The following SLC25A48 variants were observed in gnomAD, a reference collection of about 807,000 sequenced individuals.
SLC25A48 encodes the protein CTC-321K16.1.
Under a neutral mutation model 32.2 loss-of-function variants are expected in SLC25A48, and 29 were observed. That is an observed-to-expected ratio of 0.90 (90% CI 0.67 to 1.23). The LOEUF (loss-of-function observed/expected upper bound fraction) is 1.23. SLC25A48 is among the 50% of genes most tolerant of loss of function. The pLI is 0.00. For missense variants in SLC25A48, 399 were observed against 422.7 expected (o/e 0.94, Z 0.49); for synonymous variants, 164 against 172.3 (o/e 0.95, Z 0.38).
chr5:135,884,785 G>A (rs1481060819), intron 7 of SLC25A48, among the ~76,000 whole-genome samples: 1 of 152,180 alleles, frequency 6.6e-6, no homozygotes, highest in African/African-American at 2.4e-5. Flanking sequence ...AGTTTGTTTA[G>A]AAGTGGTGCT....
chr5:135,662,360 A>G (rs967795716), intron 3 of SLC25A48, among the ~76,000 whole-genome samples: 1 of 152,176 alleles, frequency 6.6e-6, no homozygotes, highest in African/African-American at 2.4e-5. Flanking sequence ...TTGCTGCAGA[A>G]GCAGTCACTG....
chr5:135,818,385 T>A (rs1456676881), intron 4 of SLC25A48, among the ~76,000 whole-genome samples: 1 of 152,112 alleles, frequency 6.6e-6, no homozygotes, highest in Non-Finnish European at 1.5e-5. Context: ...GTGGGATAGA[T>A]CTAAACCAGA....
At chr5:135,603,326 G>A (rs1420310551) in intron 1 of SLC25A48, among the ~76,000 whole-genome samples, 1 of 152,250 alleles carries the variant, frequency 6.6e-6, no homozygotes, top group Non-Finnish European at 1.5e-5. Flanking sequence ...CACAGCTGCA[G>A]TGGGATTGCT....
intron 2 of SLC25A48, among the ~76,000 whole-genome samples, chr5:135,631,701 G>A (rs1229697964): frequency 6.6e-6 from 1 of 152,182 alleles, no homozygotes; most frequent in South Asian, 2.1e-4. Context: ...AACTGTAATC[G>A]CAGAAGAGTG....
chr5:135,811,524 TTG>T (rs1444516996), intron 3 of SLC25A48, among the ~76,000 whole-genome samples: 1 of 152,136 alleles, frequency 6.6e-6, no homozygotes, highest in Admixed American at 6.5e-5. Flanking sequence ...TAACAATGTA[TTG>T]TGTTATTGAA....
chr5:135,861,682 C>T (rs567590069), intron 4 of SLC25A48, among the ~76,000 whole-genome samples: 4 of 152,178 alleles, frequency 2.6e-5, no homozygotes, highest in Admixed American at 1.3e-4. Context: ...GTATGATCAG[C>T]GAATATATTC....
intron 1 of SLC25A48, among the ~76,000 whole-genome samples, chr5:135,591,115 G>T (rs2126876407): frequency 6.6e-6 from 1 of 152,324 alleles, no homozygotes; most frequent in African/African-American, 2.4e-5. Flanking sequence ...ACTGCAGGGT[G>T]CCTGTGATTC....
At chr5:135,748,266 A>G (rs1385144708) in intron 3 of SLC25A48, among the ~76,000 whole-genome samples, 4 of 152,180 alleles carry the variant, frequency 2.6e-5, no homozygotes, top group African/African-American at 9.7e-5. Context: ...TCACTATACT[A>G]TACATTGGAG....
At chr5:135,816,657 G>A (rs1757726859) in intron 4 of SLC25A48, among the ~76,000 whole-genome samples, 1 of 152,168 alleles carries the variant, frequency 6.6e-6, no homozygotes, top group Non-Finnish European at 1.5e-5. Flanking sequence ...TTAAAAGTTG[G>A]TTATTAGGGA....
At chr5:135,822,151 G>A (rs1460073993) in intron 4 of SLC25A48, 1 of 152,252 alleles carries the variant, frequency 6.6e-6, no homozygotes, top group Non-Finnish European at 1.5e-5. Flanking sequence ...TAGGGCCTTA[G>A]GTAAGCCCCC....
chr5:135,604,047 CT>C (rs1381363426), intron 1 of SLC25A48, among the ~76,000 whole-genome samples: 1 of 152,204 alleles, frequency 6.6e-6, no homozygotes, highest in Non-Finnish European at 1.5e-5. Context: ...GTGCTAAATT[CT>C]TTGACATGAA....
At chr5:135,655,743 A>T (rs1753230845) in intron 3 of SLC25A48, among the ~76,000 whole-genome samples, 1 of 152,212 alleles carries the variant, frequency 6.6e-6, no homozygotes, top group Non-Finnish European at 1.5e-5. Flanking sequence ...TGAGCACTAC[A>T]AGCTTTCAAG....
rs1341367281 is a variant in SLC25A48, at chr5:135,834,746, T to C, written c.-102T>C. On this transcript the variant is annotated 5_prime_UTR_variant, in exon 1 of 8. Transcript: ENST00000681962. ...GTAGGACCTGCGGCGTGCTCGAGACTCCGACTTCGGTCTTGCGGCGCGCTC... is the reference window on the plus strand; with the variant it reads ...GTAGGACCTGCGGCGTGCTCGAGACCCCGACTTCGGTCTTGCGGCGCGCTC... The C allele has an allele frequency of 7.7e-7, 1 of 1,303,992 alleles. No homozygotes were observed. The highest frequency in any genetic ancestry group is 1.5e-5 in the South Asian group (1 of 66,562). The allele number at this position is 1,303,992 out of a possible 1,614,324, so 80.8% of individuals were successfully genotyped here.
At chr5:135,818,053 TCCTCTCTCTCTCTCTCTCTCTC>T (rs1561507300) in intron 4 of SLC25A48, among the ~76,000 whole-genome samples, 3 of 46,560 alleles carry the variant, frequency 6.4e-5, no homozygotes, top group Admixed American at 2.5e-4. Flanking sequence ...TTCTCTCTGT[TCCTCTCTCTCTCTCTCTCTCTC>T]TCTCTCTCTC....
chr5:135,812,562 C>T (rs1561504783), exon 4 of SLC25A48: 1 of 152,258 alleles, frequency 6.6e-6, no homozygotes, highest in Non-Finnish European at 1.5e-5. Context: ...TCTCTGCACA[C>T]CTCCACCTGT....
At chr5:135,820,164 T>C (rs1757845624) in intron 4 of SLC25A48, among the ~76,000 whole-genome samples, 1 of 152,184 alleles carries the variant, frequency 6.6e-6, no homozygotes, top group African/African-American at 2.4e-5. Context: ...ACAACTAGAC[T>C]GTATACACAG....
chr5:135,883,352 A>G, intron 7 of SLC25A48: 1 of 985,496 alleles, frequency 1.0e-6, no homozygotes, highest in Non-Finnish European at 1.2e-6. Context: ...AAACTGGAGT[A>G]AAATAGACCC....
At chr5:135,772,995 G>C (rs575761415) in intron 3 of SLC25A48, among the ~76,000 whole-genome samples, 37 of 150,636 alleles carry the variant, frequency 2.5e-4, no homozygotes, top group African/African-American at 7.8e-4. Context: ...GTATCAAGAA[G>C]AAAAGAGGAT....
intron 1 of SLC25A48, among the ~76,000 whole-genome samples, chr5:135,617,185 G>C (rs1025179280): frequency 3.9e-5 from 6 of 151,938 alleles, no homozygotes; most frequent in Admixed American, 3.9e-4. Context: ...TTCAATCTTG[G>C]TAGGCAGTGT....
Sources: allele counts gnomAD v4.1 joint callset (sites outside exome capture counted in the v4.1 genomes callset), GRCh38; gene constraint gnomAD v4.1.1; transcripts MANE v1.5; gene names NCBI Gene and HGNC (gene_info 2026-07-23, HGNC 2026-07-21).